FAM9C: variants seen among roughly 807,000 people sequenced by gnomAD.
The protein encoded by FAM9C is family with sequence similarity 9 member C.
FAM9C carries 15 observed loss-of-function variants against 14.8 expected under a neutral mutation model. The observed-to-expected ratio is 1.02, with a 90% CI of 0.68 to 1.56. The LOEUF (loss-of-function observed/expected upper bound fraction) is 1.56. Among genes scored for constraint, FAM9C ranks in the 40% most tolerant of loss-of-function variants. The pLI, the probability that FAM9C is intolerant of heterozygous loss-of-function variation, is 0.00. For synonymous variants in FAM9C, 45 were observed against 37.5 expected (o/e 1.20, Z -0.74); for missense variants, 116 against 118.0 (o/e 0.98, Z 0.08).
chrX:13,040,950 C>T (rs2043521229), intron 4 of FAM9C, 78 bp from the exon 5 acceptor site: 2 of 511,641 alleles, frequency 3.9e-6, no homozygotes, highest in East Asian at 4.1e-5. Context: ...CAATATGGGA[C>T]TTGATGGTTC....
chrX:13,040,049 T>C lies in FAM9C; in HGVS notation c.330-133A>G. The stretch of plus-strand genomic sequence containing the variant: ...GAGTAATAGCAGCTGAAATCTTCTT[T>C]TTGGGAAAAGGTGAAATGAGTTACT... On this transcript the variant is annotated intron_variant, in intron 5 of 7. Transcript: ENST00000380625. 9.1e-6 allele frequency: 5 copies of C among 552,456 alleles called. No individual in the cohort carries two copies. In the Admixed American group the frequency reaches 2.3e-4, roughly 25 times the overall value. 45.5% of individuals were successfully genotyped at this position (552,456 alleles called of 1,213,427 possible).
chrX:13,036,541 C>T (rs981575840), intron 7 of FAM9C: 14 of 111,523 alleles, frequency 1.3e-4, no homozygotes, highest in African/African-American at 4.2e-4. Flanking sequence ...TCATGAAATA[C>T]CATATTTTTT....
intron 5 of FAM9C, chrX:13,040,476 C>A: frequency 3.9e-6 from 1 of 258,121 alleles, no homozygotes; most frequent in Non-Finnish European, 6.0e-6. Context: ...TTATATTCAC[C>A]TACCGTATTT....
At chrX:13,043,288 G>A in intron 2 of FAM9C, 40 bp from the exon 3 acceptor site, 1 of 1,170,007 alleles carries the variant, frequency 8.5e-7, no homozygotes, top group Non-Finnish European at 1.1e-6. Context: ...TTTAGAGGAA[G>A]ACGCTGTTGT....
In FAM9C at chrX:13,043,712, C is replaced by T. The variant is rs1405668422; in HGVS notation, c.61+17G>A. The stretch of plus-strand genomic sequence containing the variant: ...TGGGCGTGCACCTTCTTCTAGGTCC[C>T]CTTGGGCTGTGTTTACCTGCAAGCT... On this transcript the variant is annotated intron_variant, in intron 2 of 7. Transcript: ENST00000380625. 1.7e-6 allele frequency: 2 copies of T among 1,211,582 alleles called. No homozygotes were observed. Among genetic ancestry groups the T allele is most frequent in the Admixed American group, 2.2e-5 (1 of 46,103 alleles).
Position 13,043,810 on chromosome X carries a change from C to T in FAM9C, c.-21G>A, listed in dbSNP as rs368711637. On this transcript the variant is annotated 5_prime_UTR_variant, in exon 2 of 8. In the 5' UTR this introduces an upstream ATG that the reference lacks. Coordinates refer to ENST00000380625, the MANE Select transcript of FAM9C (RefSeq NM_174901.6). Reference sequence around the variant, plus strand: ...GCCATCCTGCTGCCCTTCCTGCCCACGGGCTCCGTGGCTGACTGGCCTGGG... The same window carrying T: ...GCCATCCTGCTGCCCTTCCTGCCCATGGGCTCCGTGGCTGACTGGCCTGGG... 17 of 1,207,707 alleles carry T rather than the reference C, an allele frequency of 1.4e-5. No homozygotes were observed. The highest frequency in any genetic ancestry group is 1.9e-5 in the Non-Finnish European group (17 of 892,402).
At position 13,043,824 on chromosome X, in the gene FAM9C, G is replaced by A. The variant is rs754477507; in HGVS notation, c.-35C>T. 2.6e-5 allele frequency: 31 copies of A among 1,196,409 alleles called. No homozygotes were observed. In the East Asian group the frequency reaches 8.0e-4, roughly 31 times the overall value. ...CTTCCTGCCCACGGGCTCCGTGGCT[G>A]ACTGGCCTGGGAAGCTAGAGGCGAC... On this transcript the variant is annotated 5_prime_UTR_variant, in exon 2 of 8. Transcript: ENST00000380625.
At position 13,043,170 on chromosome X, in the gene FAM9C, T is replaced by C; in HGVS notation, c.140A>G (p.His47Arg). Residue 47 changes from histidine (H) to arginine (R), a missense_variant, in exon 3 of 8, where the codon CAT becomes CGT. By Grantham distance (29) the His-to-Arg change is conservative (BLOSUM62 0). Coordinates refer to ENST00000380625, the MANE Select transcript of FAM9C (RefSeq NM_174901.6). ...TTCAGCAAAAGATCCTCTTTCCCCA[T>C]GCTCATCAGTTACATCTCCCTCCTT... is the stretch of plus-strand genomic sequence containing the variant. Reference protein sequence around the residue: ...ETKEGDVTDEHGERGSFAETD... With the variant: ...ETKEGDVTDERGERGSFAETD... 19 of 1,211,413 alleles carry C rather than the reference T, an allele frequency of 1.6e-5. No individual in the cohort carries two copies. The highest frequency in any genetic ancestry group is 2.1e-5 in the Non-Finnish European group (19 of 895,347).
intron 5 of FAM9C, 130 bp downstream of exon 5, chrX:13,040,628 G>T: frequency 2.3e-6 from 1 of 425,573 alleles, no homozygotes; most frequent in South Asian, 6.5e-5. Flanking sequence ...CCTGTTTAGG[G>T]AACAATCAAG....
chrX:13,043,295 T>C, intron 2 of FAM9C, 47 bp from the exon 3 acceptor site: 1 of 1,160,669 alleles, frequency 8.6e-7, no homozygotes, highest in African/African-American at 1.8e-5. Context: ...GAAGACGCTG[T>C]TGTGGACATT....
chrX:13,039,351 C>T (rs756203395), intron 6 of FAM9C, among the ~76,000 whole-genome samples: 1 of 111,261 alleles, frequency 9.0e-6, no homozygotes, highest in East Asian at 2.8e-4. Context: ...TCACTCACTT[C>T]AGTACTACAG....
At chrX:13,041,034 T>TAA (rs1386467904) in intron 4 of FAM9C, 162 bp from the exon 5 acceptor site, 6 of 335,897 alleles carry the variant, frequency 1.8e-5, no homozygotes, top group Non-Finnish European at 2.0e-5. Flanking sequence ...TTACTTTATG[T>TAA]AAAACCTTTC....
intron 1 of FAM9C, 46 bp downstream of exon 1, chrX:13,044,493 AG>A (rs1212725656): frequency 9.0e-6 from 1 of 110,864 alleles, no homozygotes; most frequent in Non-Finnish European, 1.9e-5. Flanking sequence ...TCTTCCCCAA[AG>A]GGCCTCTGGC....
In FAM9C at chrX:13,040,354, A is replaced by G. The variant is rs751473189; in HGVS notation, c.329+404T>C. 47 of 724,031 alleles carry G rather than the reference A, an allele frequency of 6.5e-5. No homozygotes were observed. In the African/African-American group the frequency reaches 1.0e-3, roughly 16 times the overall value. The allele number at this position is 724,031 out of a possible 1,213,427, so 59.7% of individuals were successfully genotyped here. The stretch of plus-strand genomic sequence containing the variant: ...GGCACGACAATGATCTAAAAGGAAT[A>G]GTGAAAACAATTTAACTAAAATAAA... On this transcript the variant is annotated intron_variant, in intron 5 of 7. Coordinates refer to ENST00000380625, the MANE Select transcript of FAM9C (RefSeq NM_174901.6).
chrX:13,036,186 C>T (rs1197123776), intron 7 of FAM9C, 168 bp from the exon 8 acceptor site: 1 of 112,012 alleles, frequency 8.9e-6, no homozygotes, highest in Non-Finnish European at 1.9e-5. Context: ...ACTCTCTTCA[C>T]CAAAAAGAGG....
In FAM9C at chrX:13,040,778, CA is replaced by C. The variant is rs2043518719; in HGVS notation, c.308del (p.Leu103Ter). Reference protein sequence around the residue: ...SEIKNRIKNVLRTTQLKRQKR... With the variant: ...SEIKNRIKNVXRTTQLKRQKR... ...CATACCTTTTTAGTTGTGTTGTTCT[CA>C]AAACATTTTTAATTCTGTTCTTTAT... On this transcript the variant is annotated frameshift_variant, in exon 5 of 8. Transcript: ENST00000380625. LOFTEE classifies it high-confidence loss of function. The C allele has an allele frequency of 8.5e-7, 1 of 1,181,178 alleles. No individual in the cohort carries two copies. The highest frequency in any genetic ancestry group is 1.8e-5 in the African/African-American group (1 of 56,218).
intron 4 of FAM9C, chrX:13,041,177 C>CTT (rs951045006): frequency 4.5e-4 from 48 of 106,600 alleles, no homozygotes; most frequent in African/African-American, 1.1e-3. Context: ...ACTTTAATTT[C>CTT]TTTTTTTTTT....
intron 5 of FAM9C, 94 bp downstream of exon 5, chrX:13,040,664 C>T (rs1184524215): frequency 1.8e-6 from 1 of 568,507 alleles, no homozygotes; most frequent in Non-Finnish European, 2.7e-6. Context: ...CCTAGAGACA[C>T]CAATATGTAC....
intron 7 of FAM9C, chrX:13,037,216 A>T (rs2043487022): frequency 8.9e-6 from 1 of 112,416 alleles, no homozygotes; most frequent in South Asian, 3.7e-4. Flanking sequence ...AGAAGAGAAG[A>T]GAGAACTCAG....
Sources: allele counts gnomAD v4.1 joint callset (sites outside exome capture counted in the v4.1 genomes callset), GRCh38; gene constraint gnomAD v4.1.1; transcripts MANE v1.5; gene names NCBI Gene and HGNC (gene_info 2026-07-23, HGNC 2026-07-21).